The following LONRF1 variants were observed in gnomAD, a reference collection of about 807,000 sequenced individuals.
LONRF1 encodes the protein LON peptidase N-terminal domain and ring finger 1.
Under a neutral mutation model 85.8 loss-of-function variants are expected in LONRF1, and 37 were observed. The observed-to-expected ratio is 0.43, with a 90% CI of 0.33 to 0.57. The LOEUF (loss-of-function observed/expected upper bound fraction) is 0.57, where lower values mean the gene tolerates loss of function less well. Among genes scored for constraint, LONRF1 ranks in the 20% least tolerant of loss-of-function variants. LONRF1 has a pLI of 0.04. For missense variants in LONRF1, 1,036 were observed against 978.0 expected, an observed-to-expected ratio of 1.06 and a Z score of -0.79; for synonymous variants, 517 against 390.1, an observed-to-expected ratio of 1.33 and a Z score of -3.83.
intron 6 of LONRF1, 131 bp from the exon 7 acceptor site, chr8:12,735,531 G>C (rs1025053947): frequency 2.2e-5 from 14 of 639,326 alleles, no homozygotes; most frequent in African/African-American, 5.5e-5. Context: ...CAGGAGAGGA[G>C]AGAAAGGGCA....
rs1221732938 is a variant in LONRF1, at chr8:12,733,039, A to G, written c.1567-1182T>C. Among the ~76,000 whole-genome samples, 3 of 152,172 alleles carry G rather than the reference A, an allele frequency of 2.0e-5. No homozygotes were observed. In the East Asian group the frequency reaches 5.8e-4, roughly 29 times the overall value. ...TTAGCATGAATCGCGGCTTGTTAAA[A>G]TACAGACTACTGAGCCCCACGCCAG... is the stretch of plus-strand genomic sequence containing the variant. On this transcript the variant is annotated intron_variant, in intron 7 of 11. Coordinates refer to ENST00000398246, the MANE Select transcript of LONRF1 (RefSeq NM_152271.5).
At chr8:12,724,274 T>A (rs1372989832) in intron 11 of LONRF1, among the ~76,000 whole-genome samples, 2 of 152,144 alleles carry the variant, frequency 1.3e-5, no homozygotes, top group African/African-American at 4.8e-5. Context: ...CTCTGAAGAT[T>A]GTTGCAAAGT....
chr8:12,725,047 G>A (rs1798234888), intron 11 of LONRF1, among the ~76,000 whole-genome samples: 1 of 152,142 alleles, frequency 6.6e-6, no homozygotes, highest in Non-Finnish European at 1.5e-5. Flanking sequence ...AAAATGCTAC[G>A]ATGCCTAAAA....
Position 12,738,088 on chromosome 8 carries a change from G to A in LONRF1, c.1020C>T (p.Ser340=). The A allele has an allele frequency of 6.2e-7, 1 of 1,606,378 alleles. No individual in the cohort carries two copies. The highest frequency in any genetic ancestry group is 8.5e-7 in the Non-Finnish European group (1 of 1,175,450). The part of the protein sequence containing the change: ...ENLKEGLKES[S]WSSLPCTKNR... ...TTTTAGTACATGGTAATGAACTCCA[G>A]GAAGATTCCTTCAGGCCTTCTTTTA... The change falls in exon 4 of 12, where the codon TCC becomes TCT. Residue 340 remains serine, a synonymous_variant. Transcript: ENST00000398246.
Position 12,755,073 on chromosome 8 carries a change from G to A in LONRF1, c.348C>T (p.Gly116=). The A allele has an allele frequency of 2.0e-6, 3 of 1,472,680 alleles. No individual in the cohort carries two copies. Among genetic ancestry groups the A allele is most frequent in the South Asian group, 1.3e-5 (1 of 77,702 alleles). The allele number at this position is 1,472,680 out of a possible 1,614,324, so 91.2% of individuals were successfully genotyped here. A position where few individuals can be genotyped will look rare whatever the true frequency, so the allele number is the denominator to read the frequency against. ...SAAPVAGADG[G]AGGLLRCLGC... ...CCAGGCATCTGAGGAGCCCGCCGGC[G>A]CCGCCGTCAGCGCCTGCAACCGGGG... The change falls in exon 1 of 12, where the codon GGC becomes GGT. Residue 116 remains glycine (G), a synonymous_variant. Coordinates refer to ENST00000398246, the MANE Select transcript of LONRF1 (RefSeq NM_152271.5).
chr8:12,729,881 G>A (rs10216641), intron 8 of LONRF1, among the ~76,000 whole-genome samples: 7,923 of 152,154 alleles, frequency 0.052, 563 homozygotes, highest in African/African-American at 0.16. Context: ...TTGCCAGATT[G>A]GTAGAAAGAA....
intron 3 of LONRF1, chr8:12,738,788 T>TAA (rs1369376305): frequency 6.6e-6 from 1 of 152,172 alleles, no homozygotes; most frequent in African/African-American, 2.4e-5. Flanking sequence ...AGAAACAGGT[T>TAA]AAGATAGGGG....
At chr8:12,744,557 A>G (rs571656770) in intron 1 of LONRF1, among the ~76,000 whole-genome samples, 11 of 152,278 alleles carry the variant, frequency 7.2e-5, no homozygotes, top group Admixed American at 2.6e-4. Context: ...AGGTATTCAA[A>G]AATGTTTTAC....
intron 1 of LONRF1, among the ~76,000 whole-genome samples, chr8:12,745,306 A>G (rs186305691): frequency 7.6e-6 from 1 of 131,360 alleles, no homozygotes; most frequent in Non-Finnish European, 1.6e-5. Flanking sequence ...ATTATTTTGA[A>G]TGATTATTTT....
intron 1 of LONRF1, among the ~76,000 whole-genome samples, chr8:12,746,959 T>C (rs1023744151): frequency 6.6e-6 from 1 of 152,248 alleles, no homozygotes; most frequent in African/African-American, 2.4e-5. Flanking sequence ...TTTGCTATTA[T>C]GATTCTGTGC....
intron 7 of LONRF1, among the ~76,000 whole-genome samples, chr8:12,732,531 C>G (rs1798567255): frequency 6.6e-6 from 1 of 152,176 alleles, no homozygotes; most frequent in Non-Finnish European, 1.5e-5. Context: ...TGAAAAAGTA[C>G]TATCCTCATG....
intron 3 of LONRF1, among the ~76,000 whole-genome samples, chr8:12,739,341 C>CAAAAAA (rs35823658): frequency 9.4e-6 from 1 of 106,092 alleles, no homozygotes; most frequent in Non-Finnish European, 2.0e-5. Context: ...ATATGTTCAG[C>CAAAAAA]AAAAAAAAAA....
intron 2 of LONRF1, 90 bp from the exon 3 acceptor site, chr8:12,741,086 A>T (rs1055017215): frequency 6.7e-7 from 1 of 1,484,470 alleles, no homozygotes; most frequent in African/African-American, 1.4e-5. Flanking sequence ...TAGTCTGCTC[A>T]GCAGTGCCGA....
At position 12,743,242 on chromosome 8, in the gene LONRF1, T is replaced by G; in HGVS notation, c.762A>C (p.Ser254=). ...DLIVKIYRAE[S]YAGLQEFKAA... is the part of the protein sequence containing the mutation. ...CTTTAAACTCTTGGAGACCAGCATATGATTCCGCTCTGTAAATTTTTACAA... is the reference window on the plus strand; with the variant it reads ...CTTTAAACTCTTGGAGACCAGCATAGGATTCCGCTCTGTAAATTTTTACAA... The change falls in exon 2 of 12, where the codon TCA becomes TCC. Residue 254 remains serine (S), a synonymous_variant. Transcript: ENST00000398246. The G allele has an allele frequency of 6.2e-7, 1 of 1,612,834 alleles. No homozygotes were observed. The highest frequency in any genetic ancestry group is 8.5e-7 in the Non-Finnish European group (1 of 1,179,092).
intron 1 of LONRF1, among the ~76,000 whole-genome samples, 159 bp downstream of exon 1, chr8:12,754,540 CT>C (rs1178420075): frequency 1.3e-5 from 2 of 151,942 alleles, no homozygotes; most frequent in African/African-American, 4.8e-5. Flanking sequence ...GCGCCGCCCC[CT>C]CCCACACCCC....
intron 2 of LONRF1, among the ~76,000 whole-genome samples, chr8:12,742,028 C>A (rs987817765): frequency 6.6e-6 from 1 of 152,162 alleles, no homozygotes; most frequent in African/African-American, 2.4e-5. Context: ...GCCTAAAGAA[C>A]GTTCTAGCCA....
Position 12,745,052 on chromosome 8 carries a change from T to C in LONRF1, c.722-1770A>G, listed in dbSNP as rs368787060. 1.4e-4 allele frequency among the ~76,000 whole-genome samples: 21 copies of C among 152,058 alleles called. No homozygotes were observed. In the East Asian group the frequency reaches 2.9e-3, roughly 21 times the overall value. On this transcript the variant is annotated intron_variant, in intron 1 of 11. Transcript: ENST00000398246. ...AAGAAGTGACTCAGAAGACCCGTCT[T>C]TGAAAAAACAAACTATAAAATGTAT...
chr8:12,742,064 T>C (rs1204125424), intron 2 of LONRF1, among the ~76,000 whole-genome samples: 4 of 152,226 alleles, frequency 2.6e-5, no homozygotes, highest in African/African-American at 7.2e-5. Context: ...ACCACTTTAA[T>C]GGCTGAAGAA....
chr8:12,730,179 A>G (rs982575580), intron 8 of LONRF1, among the ~76,000 whole-genome samples: 2 of 152,234 alleles, frequency 1.3e-5, no homozygotes, highest in East Asian at 3.8e-4. Context: ...ATAAAACGGA[A>G]TACTATGTTT....
Sources: allele counts gnomAD v4.1 joint callset (sites outside exome capture counted in the v4.1 genomes callset), GRCh38; gene constraint gnomAD v4.1.1; transcripts MANE v1.5; gene names NCBI Gene and HGNC (gene_info 2026-07-23, HGNC 2026-07-21).